The following PCDHGB4 variants were observed in gnomAD, a reference collection of about 807,000 sequenced individuals.
PCDHGB4 encodes the protein protocadherin gamma subfamily B, 4.
Under a neutral mutation model 60.5 loss-of-function variants are expected in PCDHGB4, and 38 were observed. The ratio of observed to expected loss-of-function variants is 0.63; its 90% CI spans 0.48 to 0.82. The LOEUF is 0.82. Ranked by LOEUF, PCDHGB4 falls within the 40% of genes least tolerant of loss-of-function variation. The pLI is 0.00. For missense variants in PCDHGB4, 1,109 were observed against 1,209.6 expected, an observed-to-expected ratio of 0.92 and a Z score of 1.23; for synonymous variants, 456 against 509.7, an observed-to-expected ratio of 0.89 and a Z score of 1.42.
At chr5:141,450,006 C>CTTTTTTT (rs1554136305) in intron 1 of PCDHGB4, among the ~76,000 whole-genome samples, 1 of 132,982 alleles carries the variant, frequency 7.5e-6, no homozygotes, top group Admixed American at 7.8e-5. Context: ...TGCCATGTCT[C>CTTTTTTT]TTTTTTTTTT....
chr5:141,394,667 G>C, intron 1 of PCDHGB4: 5 of 1,613,252 alleles, frequency 3.1e-6, no homozygotes, highest in Non-Finnish European at 4.2e-6. Flanking sequence ...GACTCTTCTC[G>C]GTGGGTCTGC....
Position 141,389,889 on chromosome 5 carries a change from G to A in PCDHGB4, c.2005G>A (p.Val669Met). ...HLVFADSLQE[V>M]LPDITDRPDP... is the part of the protein sequence containing the mutation. ...GGTCTTCGCCGACAGCTTGCAGGAG[G>A]TGCTGCCGGATATCACTGACCGCCC... The change falls in exon 1 of 4, where the codon GTG becomes ATG. Residue 669 changes from valine to methionine, a missense_variant. Physicochemically the swap from Val to Met is conservative, Grantham distance 21 (BLOSUM62 1). This residue lies in a region of PCDHGB4 where 1,068 missense variants were observed against 1,089.9 expected (regional missense o/e 0.98). Transcript: ENST00000519479. 1.9e-6 allele frequency: 3 copies of A among 1,614,086 alleles called. No homozygotes were observed. Among genetic ancestry groups the A allele is most frequent in the Admixed American group, 1.7e-5 (1 of 60,034 alleles).
intron 1 of PCDHGB4, chr5:141,416,818 C>T (rs766541497): frequency 9.9e-5 from 15 of 151,960 alleles, no homozygotes; most frequent in Admixed American, 2.6e-4. Flanking sequence ...AAAAGCATTC[C>T]GAAGTTTCTC....
At chr5:141,422,058 A>G (rs1015726657) in intron 1 of PCDHGB4, 3 of 1,611,890 alleles carry the variant, frequency 1.9e-6, no homozygotes, top group African/African-American at 2.7e-5. Flanking sequence ...TCAACGGGGA[A>G]GTAATGTATT....
At chr5:141,403,748 G>A in intron 1 of PCDHGB4, 1 of 1,613,956 alleles carries the variant, frequency 6.2e-7, no homozygotes, top group East Asian at 2.2e-5. Context: ...TACTGCAACA[G>A]CCAGCGACCT....
Position 141,433,407 on chromosome 5 carries a change from T to C in PCDHGB4, c.2397+43126T>C, listed in dbSNP as rs939103465. Among the ~76,000 whole-genome samples, 537 of 125,956 alleles carry C rather than the reference T, an allele frequency of 4.3e-3. 4 individuals carry two copies. Among genetic ancestry groups the C allele is most frequent in the African/African-American group, 0.016 (523 of 33,156 alleles). The allele number at this position is 125,956 out of a possible 152,430, so 82.6% of individuals were successfully genotyped here. On this transcript the variant is annotated intron_variant, in intron 1 of 3. Coordinates refer to ENST00000519479, the MANE Select transcript of PCDHGB4 (RefSeq NM_003736.4). ...TCTATCTATCTATCTATCTATCTATTACTTTCTTGTACAGACAGGAGTCTC... is the reference window on the plus strand; with the variant it reads ...TCTATCTATCTATCTATCTATCTATCACTTTCTTGTACAGACAGGAGTCTC...
intron 1 of PCDHGB4, among the ~76,000 whole-genome samples, chr5:141,465,040 C>T (rs1396261200): frequency 6.6e-6 from 1 of 151,842 alleles, no homozygotes; most frequent in Non-Finnish European, 1.5e-5. Context: ...CCACAAATGA[C>T]CCTATATATT....
chr5:141,486,409 C>G lies in PCDHGB4; in HGVS notation c.2398-8398C>G, dbSNP rs1396288134. On this transcript the variant is annotated intron_variant, in intron 1 of 3. Coordinates refer to ENST00000519479, the MANE Select transcript of PCDHGB4 (RefSeq NM_003736.4). The surrounding 1 kb of genome is among the most constrained non-coding windows in gnomAD (Gnocchi z 5.0). Reference sequence around the variant, plus strand: ...AGTTCTCCCTGGTGACTGCTGGACCCTTGGATCGAGAGGCCAAATCTAGCT... The same window carrying G: ...AGTTCTCCCTGGTGACTGCTGGACCGTTGGATCGAGAGGCCAAATCTAGCT... 6.2e-7 allele frequency: 1 copy of G among 1,614,170 alleles called. No individual in the cohort carries two copies. Among genetic ancestry groups the G allele is most frequent in the East Asian group, 2.2e-5 (1 of 44,874 alleles).
intron 1 of PCDHGB4, chr5:141,413,078 C>T: frequency 7.7e-7 from 1 of 1,301,152 alleles, no homozygotes; most frequent in Non-Finnish European, 1.1e-6. Flanking sequence ...AGTGCCCAGG[C>T]TACAGAGACA....
At chr5:141,400,178 T>G in intron 1 of PCDHGB4, 1 of 1,614,074 alleles carries the variant, frequency 6.2e-7, no homozygotes, top group Non-Finnish European at 8.5e-7. Context: ...CAGGCTGAGC[T>G]GCAGTTTTAC....
chr5:141,433,906 A>G (rs1218318743), intron 1 of PCDHGB4, among the ~76,000 whole-genome samples: 1 of 151,412 alleles, frequency 6.6e-6, no homozygotes, highest in Non-Finnish European at 1.5e-5. Flanking sequence ...ATCACTTATT[A>G]CAATCACCTC....
chr5:141,399,893 C>G (rs2093913222), intron 1 of PCDHGB4: 2 of 1,612,566 alleles, frequency 1.2e-6, no homozygotes, highest in Non-Finnish European at 1.7e-6. Flanking sequence ...AAGGTAGTGG[C>G]CGTGGACGCA....
At chr5:141,427,450 CT>C in intron 1 of PCDHGB4, 1 of 486,442 alleles carries the variant, frequency 2.1e-6, no homozygotes, top group South Asian at 1.5e-5. Flanking sequence ...GAAAGAGTTC[CT>C]TTTAGAATCG....
intron 1 of PCDHGB4, among the ~76,000 whole-genome samples, chr5:141,467,359 A>G (rs997614051): frequency 1.3e-5 from 2 of 151,714 alleles, no homozygotes; most frequent in African/African-American, 4.8e-5. Context: ...GGCCAAATCA[A>G]CGTTTTCTTA....
chr5:141,388,875 G>T lies in PCDHGB4; in HGVS notation c.991G>T (p.Val331Leu), dbSNP rs201053346. ...DGGGMIAQCTVEVEVIDENDN... is the reference protein window; with the variant it reads ...DGGGMIAQCTLEVEVIDENDN... ...TGGAGGAATGATTGCGCAATGCACAGTGGAGGTAGAAGTCATAGATGAAAA... is the reference window on the plus strand; with the variant it reads ...TGGAGGAATGATTGCGCAATGCACATTGGAGGTAGAAGTCATAGATGAAAA... The change falls in exon 1 of 4, where the codon GTG becomes TTG. Residue 331 changes from valine (V) to leucine (L), a missense_variant. Physicochemically the swap from Val to Leu is conservative, Grantham distance 32. Coordinates refer to ENST00000519479, the MANE Select transcript of PCDHGB4 (RefSeq NM_003736.4). 1.4e-4 allele frequency: 224 copies of T among 1,614,024 alleles called. No homozygotes were observed. The highest frequency in any genetic ancestry group is 1.8e-4 in the Non-Finnish European group (214 of 1,179,874).
chr5:141,403,961 G>T (rs763967342), intron 1 of PCDHGB4: 14 of 1,613,774 alleles, frequency 8.7e-6, no homozygotes, highest in Middle Eastern at 1.6e-4. Context: ...GCTCATTTCG[G>T]TGGAAGATGT....
At position 141,432,643 on chromosome 5, in the gene PCDHGB4, G is replaced by A. The variant is rs2097523971; in HGVS notation, c.2397+42362G>A. 15 of 1,613,754 alleles carry A rather than the reference G, an allele frequency of 9.3e-6. No homozygotes were observed. Among genetic ancestry groups the A allele is most frequent in the East Asian group, 4.5e-5 (2 of 44,860 alleles). ...GTCTGCACACGGGCGAGGTGCGCAC[G>A]GCGCGAGCCCTGCTGGACAGAGACG... On this transcript the variant is annotated intron_variant, in intron 1 of 3. Coordinates refer to ENST00000519479, the MANE Select transcript of PCDHGB4 (RefSeq NM_003736.4). This position sits in a 1 kb window ranked among gnomAD's most constrained non-coding sequence, Gnocchi z 6.0.
intron 1 of PCDHGB4, chr5:141,392,740 G>A: frequency 1.4e-6 from 2 of 1,435,578 alleles, no homozygotes. Context: ...CATCTCCATA[G>A]CTGCGGCAAG....
Position 141,478,415 on chromosome 5 carries a change from C to A in PCDHGB4, c.2398-16392C>A, listed in dbSNP as rs182700706. 5.6e-6 allele frequency: 9 copies of A among 1,613,648 alleles called. No homozygotes were observed. In the East Asian group the frequency reaches 2.0e-4, roughly 36 times the overall value. ...TCAGGTGTATCTCACCACGGACTCC[C>A]GCCGCAGCGACCCGCTGCTGAAGAA... On this transcript the variant is annotated intron_variant, in intron 1 of 3. Coordinates refer to ENST00000519479, the MANE Select transcript of PCDHGB4 (RefSeq NM_003736.4).
Sources: gnomAD v4.1 joint callset for allele counts (sites outside exome capture counted in the v4.1 genomes callset) on GRCh38, gnomAD v4.1.1 for gene constraint, gnomAD v4.1.1 regional missense constraint, Gnocchi (gnomAD v3.1) non-coding constraint, MANE v1.5 for transcripts, NCBI Gene and HGNC (gene_info 2026-07-23, HGNC 2026-07-21) for gene names.